The following CEP112 variants were observed in gnomAD, a reference collection of about 807,000 sequenced individuals.
CEP112 encodes centrosomal protein of 112 kDa.
CEP112 carries 127 observed loss-of-function variants against 153.0 expected under a neutral mutation model. The observed-to-expected ratio is 0.83, with a 90% CI of 0.72 to 0.96. CEP112 has a LOEUF of 0.96. Among genes scored for constraint, CEP112 ranks in the 40% least tolerant of loss-of-function variants. The pLI, the probability that CEP112 is intolerant of heterozygous loss-of-function variation, is 0.00. For synonymous variants in CEP112, 358 were observed against 374.4 expected, an observed-to-expected ratio of 0.96 and a Z score of 0.51; for missense variants, 1,089 against 1,101.2, an observed-to-expected ratio of 0.99 and a Z score of 0.16.
chr17:66,183,628 T>C lies in CEP112; in HGVS notation c.-8-321A>G, dbSNP rs556182324. The stretch of plus-strand genomic sequence containing the variant: ...AAGACAATTGGTATTGGTGAAAGGA[T>C]AGACAGATCAGTGGAAAAGATTAGA... On this transcript the variant is annotated intron_variant, in intron 1 of 26. Coordinates refer to ENST00000535342, the MANE Select transcript of CEP112 (RefSeq NM_001199165.4). Among the ~76,000 whole-genome samples the C allele has an allele frequency of 7.4e-4, 112 of 152,196 alleles. 2 individuals are homozygous for C. In the South Asian group the frequency reaches 0.023, roughly 31 times the overall value.
At chr17:66,014,715 G>T (rs1005075818) in intron 16 of CEP112, among the ~76,000 whole-genome samples, 1 of 152,128 alleles carries the variant, frequency 6.6e-6, no homozygotes, top group Non-Finnish European at 1.5e-5. Context: ...TAGGAGCCAG[G>T]AAGAAGACCC....
chr17:65,840,101 G>A (rs922985839), intron 21 of CEP112, among the ~76,000 whole-genome samples: 1 of 151,900 alleles, frequency 6.6e-6, no homozygotes, highest in Non-Finnish European at 1.5e-5. Flanking sequence ...AACAATCTAC[G>A]GGTTGATTGC....
chr17:65,967,000 A>G (rs1240118136), intron 17 of CEP112, among the ~76,000 whole-genome samples: 2 of 152,244 alleles, frequency 1.3e-5, no homozygotes, highest in African/African-American at 4.8e-5. Flanking sequence ...GGAATGGATT[A>G]TTCTCATAAG....
chr17:65,971,435 C>T (rs1360285317), intron 17 of CEP112, among the ~76,000 whole-genome samples: 2 of 55,426 alleles, frequency 3.6e-5, no homozygotes, highest in African/African-American at 5.4e-5. Context: ...ATGCATGTTA[C>T]ATGGATGCCG....
intron 4 of CEP112, among the ~76,000 whole-genome samples, chr17:66,174,536 A>G (rs1304993934): frequency 1.3e-5 from 2 of 152,192 alleles, no homozygotes; most frequent in African/African-American, 2.4e-5. Flanking sequence ...TAAAAGTCCA[A>G]ATTTAAATCT....
intron 21 of CEP112, among the ~76,000 whole-genome samples, chr17:65,792,983 G>T (rs1020632080): frequency 6.6e-5 from 10 of 152,020 alleles, no homozygotes; most frequent in African/African-American, 2.4e-4. Flanking sequence ...GACGCCTAGT[G>T]GGCACTGAGG....
At chr17:65,781,388 A>C (rs1268201207) in intron 21 of CEP112, among the ~76,000 whole-genome samples, 5 of 152,210 alleles carry the variant, frequency 3.3e-5, no homozygotes, top group African/African-American at 1.2e-4. Context: ...ATGGATTGGA[A>C]GAATCAATAT....
chr17:66,039,016 G>A (rs2065863035), intron 12 of CEP112, among the ~76,000 whole-genome samples: 1 of 152,044 alleles, frequency 6.6e-6, no homozygotes, highest in Admixed American at 6.5e-5. Context: ...TTTCAGAGAG[G>A]TAAAATGGAT....
chr17:66,174,078 G>A (rs187817000), intron 4 of CEP112, among the ~76,000 whole-genome samples: 1 of 152,026 alleles, frequency 6.6e-6, no homozygotes, highest in Admixed American at 6.6e-5. Context: ...ACAGGCACCC[G>A]CCACCACGCC....
intron 20 of CEP112, among the ~76,000 whole-genome samples, chr17:65,896,352 C>T (rs562443268): frequency 6.6e-6 from 1 of 152,074 alleles, no homozygotes; most frequent in South Asian, 2.1e-4. Context: ...AGTTTAATCA[C>T]AGGTATATAT....
chr17:65,976,735 C>CTTTCT (rs1555743390), intron 17 of CEP112, among the ~76,000 whole-genome samples: 4 of 85,354 alleles, frequency 4.7e-5, no homozygotes, highest in Non-Finnish European at 4.6e-5. Flanking sequence ...ATAACTTTTT[C>CTTTCT]TTTTTTTTTT....
chr17:65,847,617 G>T (rs1429005508), intron 21 of CEP112, among the ~76,000 whole-genome samples: 1 of 152,190 alleles, frequency 6.6e-6, no homozygotes, highest in Admixed American at 6.5e-5. Flanking sequence ...CCTGCCCCGA[G>T]CTGGGTTTTC....
chr17:65,679,129 CTTTTTTTTTTTTTTTTTTTTTTTTTTTT>C (rs57907674), intron 24 of CEP112, among the ~76,000 whole-genome samples: 13 of 31,610 alleles, frequency 4.1e-4, no homozygotes, highest in African/African-American at 1.2e-3. Context: ...GTGGTTCAAG[CTTTTTTTTTTTTTTTTTTTTTTTTTTTT>C]TTTTTTTTTT....
chr17:65,794,484 C>A lies in CEP112; in HGVS notation c.2395-43760G>T, dbSNP rs1381060525. On this transcript the variant is annotated intron_variant, in intron 21 of 26. Coordinates refer to ENST00000535342, the MANE Select transcript of CEP112 (RefSeq NM_001199165.4). The stretch of plus-strand genomic sequence containing the variant: ...CAATTTCTACTCTCTAATTTCTCCA[C>A]ATCCCACCACTTTACTGAAATTGGT... Among the ~76,000 whole-genome samples, 4 of 152,246 alleles carry A rather than the reference C, an allele frequency of 2.6e-5. No homozygotes were observed. The East Asian group carries it at 7.7e-4, about 29-fold the overall frequency.
chr17:66,097,835 G>A (rs2068413594), intron 6 of CEP112, among the ~76,000 whole-genome samples: 1 of 152,168 alleles, frequency 6.6e-6, no homozygotes, highest in South Asian at 2.1e-4. Context: ...TCTCTACCGT[G>A]AAAGTCTAAT....
At chr17:65,771,690 A>G (rs1052595288) in intron 21 of CEP112, among the ~76,000 whole-genome samples, 1 of 152,186 alleles carries the variant, frequency 6.6e-6, no homozygotes, top group Admixed American at 6.5e-5. Context: ...TTGTAAAGTA[A>G]AAGATAGACA....
chr17:66,154,439 C>T (rs902225647), intron 4 of CEP112, among the ~76,000 whole-genome samples: 6 of 147,864 alleles, frequency 4.1e-5, no homozygotes, highest in Non-Finnish European at 7.5e-5. Context: ...CACTTAAGCC[C>T]GGGAGGCAGA....
intron 23 of CEP112, among the ~76,000 whole-genome samples, chr17:65,690,108 C>T (rs1460487800): frequency 3.6e-5 from 1 of 28,130 alleles, no homozygotes; most frequent in African/African-American, 1.6e-4. Flanking sequence ...TGAAAGAAAA[C>T]AGACCAAAAA....
chr17:65,704,533 C>T (rs938992328), intron 23 of CEP112, among the ~76,000 whole-genome samples: 5 of 152,066 alleles, frequency 3.3e-5, no homozygotes, highest in Admixed American at 6.6e-5. Context: ...CATTATGAGA[C>T]AATCCGGAAA....
Sources: gnomAD v4.1 joint callset for allele counts (sites outside exome capture counted in the v4.1 genomes callset) on GRCh38, gnomAD v4.1.1 for gene constraint, MANE v1.5 for transcripts, NCBI Gene and HGNC (gene_info 2026-07-23, HGNC 2026-07-21) for gene names.